The following EDN1 variants were observed in gnomAD, a reference collection of about 807,000 sequenced individuals.
EDN1 encodes the protein endothelin 1.
In EDN1, 11 loss-of-function variants were observed where a neutral mutation model predicts 21.7. The observed-to-expected ratio is 0.51, with a 90% CI of 0.32 to 0.84. EDN1 has a LOEUF of 0.84. Among genes scored for constraint, EDN1 ranks in the 40% least tolerant of loss-of-function variants. The probability of loss-of-function intolerance (pLI) is 0.03; values close to 1 mark genes in which losing one functional copy is unlikely to be tolerated. For synonymous variants in EDN1, 85 were observed against 90.6 expected (o/e 0.94, Z 0.35); for missense variants, 244 against 262.3 (o/e 0.93, Z 0.48).
chr6:12,282,258 T>C, the EDN1 span, among the ~76,000 whole-genome samples: 1 of 152,204 alleles, frequency 6.6e-6, no homozygotes, highest in African/African-American at 2.4e-5. Flanking sequence ...TCCAAAAAGA[T>C]AGTTTCTTCC....
chr6:12,247,906 G>A, the EDN1 span, among the ~76,000 whole-genome samples: 1 of 151,900 alleles, frequency 6.6e-6, no homozygotes, highest in Non-Finnish European at 1.5e-5. Flanking sequence ...TTCATGTGTT[G>A]GGACCCTAGC....
the EDN1 span, among the ~76,000 whole-genome samples, chr6:12,265,917 C>T: frequency 6.6e-6 from 1 of 152,084 alleles, no homozygotes; most frequent in Non-Finnish European, 1.5e-5. Flanking sequence ...GCAAGGCTAC[C>T]CTGGTTAAGT....
the EDN1 span, among the ~76,000 whole-genome samples, chr6:12,274,742 T>C: frequency 6.6e-6 from 1 of 152,118 alleles, no homozygotes. Flanking sequence ...ATTGGTCCAA[T>C]GTGGAAGCTG....
the EDN1 span, among the ~76,000 whole-genome samples, chr6:12,237,426 C>T: frequency 6.6e-6 from 1 of 152,030 alleles, no homozygotes; most frequent in Admixed American, 6.6e-5. Flanking sequence ...GAAGAGAAGA[C>T]CAAAAAGTCT....
the EDN1 span, among the ~76,000 whole-genome samples, chr6:12,285,118 A>T: frequency 6.6e-6 from 1 of 152,160 alleles, no homozygotes; most frequent in African/African-American, 2.4e-5. Flanking sequence ...ATCCTAATAT[A>T]ATTATTAATC....
chr6:12,262,698 C>A, the EDN1 span, among the ~76,000 whole-genome samples: 3 of 151,778 alleles, frequency 2.0e-5, no homozygotes, highest in Non-Finnish European at 4.4e-5. Context: ...ATAGTGAAAC[C>A]CTGTCTCTAC....
chr6:12,270,327 T>C, the EDN1 span, among the ~76,000 whole-genome samples: 6 of 152,172 alleles, frequency 3.9e-5, no homozygotes, highest in South Asian at 2.1e-4. Flanking sequence ...ATTTTGGCTT[T>C]GGTTTGTTCT....
chr6:12,247,164 C>T, the EDN1 span, among the ~76,000 whole-genome samples: 4 of 152,180 alleles, frequency 2.6e-5, no homozygotes, highest in African/African-American at 9.6e-5. Flanking sequence ...TGGCTCCTGC[C>T]ATGCCACAGG....
the EDN1 span, among the ~76,000 whole-genome samples, chr6:12,280,785 C>T: frequency 6.6e-6 from 1 of 152,046 alleles, no homozygotes; most frequent in Non-Finnish European, 1.5e-5. Flanking sequence ...CCCAGCTACT[C>T]GGGAGGCTAA....
intron 2 of EDN1, among the ~76,000 whole-genome samples, chr6:12,293,170 A>C (rs1245267309): frequency 6.6e-6 from 1 of 152,254 alleles, no homozygotes; most frequent in Admixed American, 6.5e-5. Context: ...ATCTGTCGGA[A>C]GCAGTCATAA....
At chr6:12,275,538 C>T in the EDN1 span, among the ~76,000 whole-genome samples, 1 of 151,892 alleles carries the variant, frequency 6.6e-6, no homozygotes, top group Non-Finnish European at 1.5e-5. Context: ...AGATGATAAC[C>T]ATTTTTAGAT....
At chr6:12,261,225 G>A in the EDN1 span, among the ~76,000 whole-genome samples, 1 of 152,156 alleles carries the variant, frequency 6.6e-6, no homozygotes, top group Non-Finnish European at 1.5e-5. Flanking sequence ...GAAACACCTC[G>A]AAGAGAAAAG....
At chr6:12,246,635 T>G in the EDN1 span, among the ~76,000 whole-genome samples, 1 of 121,894 alleles carries the variant, frequency 8.2e-6, no homozygotes. Context: ...TTTCCTCCTT[T>G]TGTATAATCG....
At chr6:12,246,858 T>G in the EDN1 span, among the ~76,000 whole-genome samples, 1 of 152,204 alleles carries the variant, frequency 6.6e-6, no homozygotes, top group Non-Finnish European at 1.5e-5. Context: ...CATCTCAAAC[T>G]GGAGATAATA....
the EDN1 span, among the ~76,000 whole-genome samples, chr6:12,232,714 A>C: frequency 2.0e-5 from 3 of 152,256 alleles, no homozygotes; most frequent in African/African-American, 7.2e-5. Context: ...CAAAGTATTA[A>C]TAGACTAAAG....
At chr6:12,257,450 C>G in the EDN1 span, among the ~76,000 whole-genome samples, 1 of 152,126 alleles carries the variant, frequency 6.6e-6, no homozygotes, top group Non-Finnish European at 1.5e-5. Flanking sequence ...GCTGAATTTG[C>G]TAGATTTCTC....
At chr6:12,250,556 G>A in the EDN1 span, among the ~76,000 whole-genome samples, 1 of 152,124 alleles carries the variant, frequency 6.6e-6, no homozygotes, top group South Asian at 2.1e-4. Context: ...GTAAGATTGA[G>A]TTTTGAAAAA....
rs200759992 is a variant in EDN1 at position 12,292,412 on chromosome 6, C to T, written c.136C>T (p.Arg46Trp). Reference sequence around the variant, plus strand: ...GAAACCCACTCCCAGTCCACCCTGGCGGCTCCGCCGGTCCAAGCGCTGCTC... The same window carrying T: ...GAAACCCACTCCCAGTCCACCCTGGTGGCTCCGCCGGTCCAAGCGCTGCTC... ...GEKPTPSPPWRLRRSKRCSCS... is the reference protein window; with the variant it reads ...GEKPTPSPPWWLRRSKRCSCS... The change falls in exon 2 of 5, where the codon CGG becomes TGG. Residue 46 changes from arginine (R) to tryptophan (W), a missense_variant. Physicochemically the swap from Arg to Trp is moderately radical, Grantham distance 101 (BLOSUM62 -3). Transcript: ENST00000379375. 25 of 1,613,990 alleles carry T rather than the reference C, an allele frequency of 1.5e-5. No individual in the cohort carries two copies. Among genetic ancestry groups the T allele is most frequent in the Non-Finnish European group, 2.0e-5 (24 of 1,180,050 alleles).
At chr6:12,238,358 T>A in the EDN1 span, among the ~76,000 whole-genome samples, 3 of 152,240 alleles carry the variant, frequency 2.0e-5, no homozygotes, top group South Asian at 6.2e-4. Context: ...GAGTCATTTC[T>A]CAAGTCCTGC....
Sources: gnomAD v4.1 joint callset for allele counts (sites outside exome capture counted in the v4.1 genomes callset) on GRCh38, gnomAD v4.1.1 for gene constraint, MANE v1.5 for transcripts, NCBI Gene and HGNC (gene_info 2026-07-23, HGNC 2026-07-21) for gene names.